Variants in TUBGCP5 observed in about 807,000 individuals in gnomAD.
TUBGCP5 encodes tubulin gamma complex component 5.
In TUBGCP5, 98 loss-of-function variants were observed where a neutral mutation model predicts 134.7. That is an observed-to-expected ratio of 0.73 (90% confidence interval 0.62 to 0.86). The LOEUF (loss-of-function observed/expected upper bound fraction) is 0.86, where lower values mean the gene tolerates loss of function less well. TUBGCP5 is among the 40% of genes least tolerant of loss of function. The pLI, the probability that TUBGCP5 is intolerant of heterozygous loss-of-function variation, is 0.00. For synonymous variants in TUBGCP5, 456 were observed against 431.4 expected (o/e 1.06, Z -0.71); for missense variants, 1,150 against 1,244.8 (o/e 0.92, Z 1.15).
intron 23 of TUBGCP5, among the ~76,000 whole-genome samples, chr15:22,988,724 A>G (rs1187773960): frequency 8.1e-6 from 1 of 123,256 alleles, no homozygotes; most frequent in African/African-American, 3.2e-5. Context: ...CGACAGAGCG[A>G]GACTCCGTCT....
At chr15:23,031,253 T>C (rs76165920) in intron 5 of TUBGCP5, among the ~76,000 whole-genome samples, 11 of 152,312 alleles carry the variant, frequency 7.2e-5, no homozygotes, top group African/African-American at 2.4e-4. Context: ...TGGAATTATT[T>C]TTTGTGGCAA....
At chr15:23,035,870 G>C (rs187890104) in intron 3 of TUBGCP5, among the ~76,000 whole-genome samples, 26 of 152,266 alleles carry the variant, frequency 1.7e-4, no homozygotes, top group Admixed American at 7.8e-4. Context: ...TGTCCACTGT[G>C]CTCTAGGTGT....
intron 17 of TUBGCP5, 26 bp downstream of exon 17, chr15:23,006,242 T>A: frequency 6.2e-7 from 1 of 1,608,084 alleles, no homozygotes. Flanking sequence ...GAAAACACGG[T>A]TCATACAAGG....
chr15:23,006,468 TAAAA>T, intron 16 of TUBGCP5, 116 bp from the exon 17 acceptor site: 2 of 717,788 alleles, frequency 2.8e-6, no homozygotes, highest in Non-Finnish European at 4.6e-6. Context: ...CTGCATTTCA[TAAAA>T]GAAATGCAAA....
intron 5 of TUBGCP5, among the ~76,000 whole-genome samples, chr15:23,031,535 C>T (rs62009503): frequency 0.089 from 13,508 of 152,102 alleles, 1,069 homozygotes; most frequent in East Asian, 0.46. Flanking sequence ...AGGCTGCTCT[C>T]GAACTCCTCT....
At chr15:23,030,601 T>TAAAAAAA (rs10632423) in intron 6 of TUBGCP5, among the ~76,000 whole-genome samples, 24 of 119,542 alleles carry the variant, frequency 2.0e-4, no homozygotes, top group East Asian at 1.3e-3. Flanking sequence ...CTTCTCCAAT[T>TAAAAAAA]AAAAAAAAAA....
Position 23,039,433 on chromosome 15 carries a change from G to T in TUBGCP5, c.111C>A (p.Phe37Leu), listed in dbSNP as rs758290609. Reference protein sequence around the residue: ...AGLQDEADPNFQLALNFAWSN... With the variant: ...AGLQDEADPNLQLALNFAWSN... ...ACCAGGCGAAGTTTAGGGCGAGCTG[G>T]AAGTTGGGGTCTGCCTCGTCCTGGA... is the stretch of plus-strand genomic sequence containing the variant. The change falls in exon 1 of 23, where the codon TTC (phenylalanine) becomes TTA (leucine). Residue 37 changes from phenylalanine to leucine, a missense_variant. Around this residue, in one of 2 missense-constraint regions of TUBGCP5, gnomAD observed 453 missense variants for 394.7 expected, o/e 1.15. Coordinates refer to ENST00000615383, the MANE Select transcript of TUBGCP5 (RefSeq NM_052903.6). 5 of 1,533,906 alleles carry T rather than the reference G, an allele frequency of 3.3e-6. No individual in the cohort carries two copies. Among genetic ancestry groups the T allele is most frequent in the Non-Finnish European group, 4.4e-6 (5 of 1,135,456 alleles).
intron 23 of TUBGCP5, among the ~76,000 whole-genome samples, chr15:22,986,701 G>A (rs1050429021): frequency 6.6e-6 from 1 of 150,622 alleles, no homozygotes; most frequent in Non-Finnish European, 1.5e-5. Context: ...TTGCGCCACC[G>A]CACTCCAACC....
chr15:23,021,419 C>T lies in TUBGCP5; in HGVS notation c.1371+540G>A, dbSNP rs191103857. ...CAAGTCTCAAACTCCTGGGCTCAAT[C>T]AATCCTCCTGCCTCGGCCTCCCAAA... On this transcript the variant is annotated intron_variant, in intron 11 of 22. Transcript: ENST00000615383. Among the ~76,000 whole-genome samples, 8 of 152,284 alleles carry T rather than the reference C, an allele frequency of 5.3e-5. No homozygotes were observed. The South Asian group carries it at 1.2e-3, about 24-fold the overall frequency.
At position 23,030,916 on chromosome 15, in the gene TUBGCP5, G is replaced by A; in HGVS notation, c.591C>T (p.Asn197=). ...AACTGATACAAGGATCCAGTTTTCT[G>A]TTTTGATCTTGTTCTTCTAACGGTG... The part of the protein sequence containing the change: ...DRTPLEEQDQ[N]RKLDPCISWK... Residue 197 remains asparagine (N), a synonymous_variant, in exon 6 of 23, where the codon AAC becomes AAT. Coordinates refer to ENST00000615383, the MANE Select transcript of TUBGCP5 (RefSeq NM_052903.6). 6.2e-7 allele frequency: 1 copy of A among 1,613,368 alleles called. No homozygotes were observed. Among genetic ancestry groups the A allele is most frequent in the Non-Finnish European group, 8.5e-7 (1 of 1,179,830 alleles).
chr15:23,035,973 A>G (rs771227996), intron 3 of TUBGCP5, among the ~76,000 whole-genome samples: 2 of 152,220 alleles, frequency 1.3e-5, no homozygotes, highest in Non-Finnish European at 2.9e-5. Flanking sequence ...TGAAATACAT[A>G]GCATGTGTGG....
intron 11 of TUBGCP5, among the ~76,000 whole-genome samples, chr15:23,021,078 G>A (rs560964473): frequency 2.0e-5 from 3 of 152,124 alleles, no homozygotes; most frequent in African/African-American, 4.8e-5. Context: ...TAGTAGAGAC[G>A]GGGTTTCACC....
rs2064266074 is a variant in TUBGCP5, at chr15:22,999,844, G to A, written c.3051C>T (p.Leu1017=). ...TTTAACTTTGTTCCATGCCAGCCATGAGTGACAACGCTAGAGATTCCACTG... is the reference window on the plus strand; with the variant it reads ...TTTAACTTTGTTCCATGCCAGCCATAAGTGACAACGCTAGAGATTCCACTG... The part of the protein sequence containing the change: ...FPHLESLALS[L]MAGMEQS The change falls in exon 23 of 23, where the codon CTC becomes CTT. Residue 1017 remains leucine, a synonymous_variant. Transcript: ENST00000615383. 6.2e-7 allele frequency: 1 copy of A among 1,613,974 alleles called. No individual in the cohort carries two copies.
At position 23,023,937 on chromosome 15, in the gene TUBGCP5, C is replaced by T. The variant is rs773539299; in HGVS notation, c.1168+10G>A. 6 of 1,612,850 alleles carry T rather than the reference C, an allele frequency of 3.7e-6. No homozygotes were observed. In the Admixed American group the frequency reaches 1.0e-4, roughly 27 times the overall value. ...GTGTAGTATGAGTAAAGATGAAGAA[C>T]ATTTAATACCATTATTGATGATGCA... On this transcript the variant is annotated intron_variant, in intron 10 of 22. Transcript: ENST00000615383.
chr15:23,003,274 G>C, intron 20 of TUBGCP5, 121 bp from the exon 21 acceptor site: 1 of 861,264 alleles, frequency 1.2e-6, no homozygotes, highest in Non-Finnish European at 1.9e-6. Context: ...TGCCTTCTGT[G>C]TATATGGAAG....
chr15:22,988,749 A>AG (rs1555430850), intron 23 of TUBGCP5, among the ~76,000 whole-genome samples: 2 of 148,928 alleles, frequency 1.3e-5, no homozygotes, highest in Admixed American at 6.6e-5. Context: ...AAAAAAAAAA[A>AG]TCTGTTTTTT....
Position 23,011,249 on chromosome 15 carries a change from C to G in TUBGCP5, c.1839G>C (p.Gln613His). 1 of 1,613,858 alleles carries G rather than the reference C, an allele frequency of 6.2e-7. No individual in the cohort carries two copies. Among genetic ancestry groups the G allele is most frequent in the African/African-American group, 1.3e-5 (1 of 74,996 alleles). Reference protein sequence around the residue: ...RLRHGEDSTPQVLTEQQATKE... With the variant: ...RLRHGEDSTPHVLTEQQATKE... ...TGGTTGCCTGTTGCTCAGTAAGAAC[C>G]TGTGGAGTGGAATCTTCTCCATGTC... Residue 613 changes from glutamine (Q) to histidine (H), a missense_variant, in exon 14 of 23, where the codon CAG (glutamine) becomes CAC (histidine). Physicochemically the swap from Gln to His is conservative, Grantham distance 24 (BLOSUM62 0). Transcript: ENST00000615383.
intron 13 of TUBGCP5, among the ~76,000 whole-genome samples, chr15:23,016,230 C>T (rs758947552): frequency 6.6e-6 from 1 of 152,186 alleles, no homozygotes; most frequent in African/African-American, 2.4e-5. Flanking sequence ...CGGTGGCTCA[C>T]GCCTGTAATC....
chr15:23,024,033 T>G lies in TUBGCP5; in HGVS notation c.1082A>C (p.Tyr361Ser), dbSNP rs368909467. 6 of 1,614,142 alleles carry G rather than the reference T, an allele frequency of 3.7e-6. No homozygotes were observed. Among genetic ancestry groups the G allele is most frequent in the Non-Finnish European group, 5.1e-6 (6 of 1,180,008 alleles). The change falls in exon 10 of 23, where the codon TAC becomes TCC. Residue 361 changes from tyrosine (Y) to serine (S), a missense_variant. Tyr to Ser is a moderately radical substitution (Grantham distance 144). This residue lies in a region of TUBGCP5 where 697 missense variants were observed against 850.1 expected (regional missense o/e 0.82). Transcript: ENST00000615383. ...KKSTEAPFRTYQAFMWALYKY... is the reference protein window; with the variant it reads ...KKSTEAPFRTSQAFMWALYKY... ...GTACAGGGCCCACATGAAAGCCTGG[T>G]AGGTTCTAAAGGGAGCTTCAGTTGA...
Sources: allele counts gnomAD v4.1 joint callset (sites outside exome capture counted in the v4.1 genomes callset), GRCh38; gene constraint gnomAD v4.1.1; regional missense constraint gnomAD v4.1.1; transcripts MANE v1.5; gene names NCBI Gene and HGNC (gene_info 2026-07-23, HGNC 2026-07-21).